The following NOX4 variants were observed in gnomAD, a reference collection of about 807,000 sequenced individuals.
The protein encoded by NOX4 is kidney oxidase-1.
A neutral mutation model predicts 87.6 loss-of-function variants in NOX4; 69 were observed. The observed-to-expected ratio is 0.79, with a 90% confidence interval of 0.65 to 0.96. The LOEUF (loss-of-function observed/expected upper bound fraction) is 0.96, where lower values mean the gene tolerates loss of function less well. Among genes scored for constraint, NOX4 ranks in the 40% least tolerant of loss-of-function variants. The pLI, the probability that NOX4 is intolerant of heterozygous loss-of-function variation, is 0.00. For synonymous variants in NOX4, 275 were observed against 238.2 expected (o/e 1.15, Z -1.42); for missense variants, 680 against 681.5 (o/e 1.00, Z 0.02).
At chr11:89,438,225 T>G (rs1482960997) in intron 6 of NOX4, among the ~76,000 whole-genome samples, 1 of 142,630 alleles carries the variant, frequency 7.0e-6, no homozygotes, top group Non-Finnish European at 1.5e-5. Context: ...GTATTATTAG[T>G]ATATTAGTAT....
At chr11:89,587,560 A>G in the NOX4 span, among the ~76,000 whole-genome samples, 1 of 152,116 alleles carries the variant, frequency 6.6e-6, no homozygotes, top group Non-Finnish European at 1.5e-5. Context: ...AGCCAAGGGA[A>G]TAAAAAATTG....
chr11:89,490,544 G>A lies in NOX4; in HGVS notation c.67C>T (p.Leu23Phe), dbSNP rs370485352. 3.1e-6 allele frequency: 5 copies of A among 1,613,426 alleles called. No homozygotes were observed. The highest frequency in any genetic ancestry group is 2.5e-6 in the Non-Finnish European group (3 of 1,179,568). Reference protein sequence around the residue: ...GVKHLCLFIWLSMNVLLFWKT... With the variant: ...GVKHLCLFIWFSMNVLLFWKT... ...CAGAAAAGCAGGACATTCATGGAGA[G>A]CCAGATGAACTAAACCAATCAGACA... Residue 23 changes from leucine (L) to phenylalanine (F), a missense_variant, in exon 2 of 18, where the codon CTC becomes TTC. By Grantham distance (22) the Leu-to-Phe change is conservative. Transcript: ENST00000263317.
At chr11:89,392,947 G>T (rs1941228699) in intron 11 of NOX4, among the ~76,000 whole-genome samples, 1 of 152,124 alleles carries the variant, frequency 6.6e-6, no homozygotes, top group East Asian at 1.9e-4. Context: ...GACATGATCG[G>T]TGTCCCCAGA....
chr11:89,556,794 T>G, the NOX4 span: 2 of 152,076 alleles, frequency 1.3e-5, no homozygotes, highest in East Asian at 1.9e-4. Flanking sequence ...AACTTCTATC[T>G]CTGAGGGATG....
intron 16 of NOX4, among the ~76,000 whole-genome samples, chr11:89,336,547 C>T (rs1286144550): frequency 6.6e-6 from 1 of 151,916 alleles, no homozygotes. Flanking sequence ...TGAACAGGCT[C>T]CTGTTTGCAA....
At chr11:89,412,351 T>C (rs929135210) in intron 8 of NOX4, among the ~76,000 whole-genome samples, 5 of 152,120 alleles carry the variant, frequency 3.3e-5, no homozygotes, top group Non-Finnish European at 7.4e-5. Flanking sequence ...TTTTATCCAA[T>C]GGCTGCAGAA....
At chr11:89,566,044 T>C in the NOX4 span, among the ~76,000 whole-genome samples, 1 of 32,512 alleles carries the variant, frequency 3.1e-5, no homozygotes, top group South Asian at 7.5e-4. Flanking sequence ...TCTTTTTTTC[T>C]TTTTTTTTTT....
chr11:89,560,557 A>G, the NOX4 span, among the ~76,000 whole-genome samples: 1 of 152,134 alleles, frequency 6.6e-6, no homozygotes, highest in East Asian at 1.9e-4. Context: ...GTTTCTGAGG[A>G]GATTGGTTCA....
chr11:89,450,563 A>T (rs16913274), intron 3 of NOX4, among the ~76,000 whole-genome samples: 3,096 of 152,054 alleles, frequency 0.02, 114 homozygotes, highest in African/African-American at 0.069. Flanking sequence ...AATACATGAC[A>T]TCACTATTTA....
At chr11:89,390,081 C>CTTAA (rs1941022856) in intron 11 of NOX4, among the ~76,000 whole-genome samples, 1 of 152,132 alleles carries the variant, frequency 6.6e-6, no homozygotes, top group African/African-American at 2.4e-5. Context: ...CAAGGGAACT[C>CTTAA]TTAAGACAAC....
chr11:89,503,042 A>G (rs1293230504), upstream of NOX4, among the ~76,000 whole-genome samples: 4 of 151,982 alleles, frequency 2.6e-5, no homozygotes, highest in African/African-American at 9.7e-5. Context: ...AATACCCTTT[A>G]TCTTTATTTC....
Position 89,403,910 on chromosome 11 carries a change from C to G in NOX4, c.630-1368G>C, listed in dbSNP as rs183730367. Among the ~76,000 whole-genome samples, 4 of 152,192 alleles carry G rather than the reference C, an allele frequency of 2.6e-5. No homozygotes were observed. In the East Asian group the frequency reaches 7.7e-4, roughly 29 times the overall value. ...CATCCTGATCACTTTCCTTTCTTCC[C>G]TCTTTGCTTATGCTCACTTCCTTTT... On this transcript the variant is annotated intron_variant, in intron 8 of 17. Transcript: ENST00000263317.
At chr11:89,533,156 C>G in the NOX4 span, among the ~76,000 whole-genome samples, 1 of 152,138 alleles carries the variant, frequency 6.6e-6, no homozygotes, top group African/African-American at 2.4e-5. Flanking sequence ...GTGTCTAGCA[C>G]AGTGTGTGAC....
intron 11 of NOX4, among the ~76,000 whole-genome samples, chr11:89,388,154 T>C (rs1940849712): frequency 6.6e-6 from 1 of 152,196 alleles, no homozygotes; most frequent in Non-Finnish European, 1.5e-5. Context: ...TTTCTAGTTT[T>C]AAAAATGGAG....
chr11:89,557,492 T>G, the NOX4 span, among the ~76,000 whole-genome samples: 1 of 152,300 alleles, frequency 6.6e-6, no homozygotes, highest in South Asian at 2.1e-4. Context: ...TGCTGAGTAG[T>G]AAATCACACC....
chr11:89,366,493 T>C (rs1052943913), intron 12 of NOX4, among the ~76,000 whole-genome samples: 19 of 151,962 alleles, frequency 1.3e-4, no homozygotes, highest in Non-Finnish European at 2.2e-4. Flanking sequence ...CTGAGCAACA[T>C]GGCAAAACCC....
chr11:89,440,589 T>G, intron 6 of NOX4, 99 bp downstream of exon 6: 4 of 703,442 alleles, frequency 5.7e-6, no homozygotes, highest in Non-Finnish European at 9.0e-6. Context: ...CCTCCCAAAG[T>G]GCTGGGAATA....
At chr11:89,507,201 G>A in the NOX4 span, among the ~76,000 whole-genome samples, 7 of 151,766 alleles carry the variant, frequency 4.6e-5, no homozygotes, top group Admixed American at 1.3e-4. Flanking sequence ...TTGAGGAATC[G>A]TTTAGTAGGG....
intron 7 of NOX4, among the ~76,000 whole-genome samples, chr11:89,425,209 C>T (rs925169749): frequency 6.6e-6 from 1 of 151,654 alleles, no homozygotes; most frequent in African/African-American, 2.4e-5. Flanking sequence ...AAAATTGCTC[C>T]CCACAAAATT....
Sources: allele counts gnomAD v4.1 joint callset (sites outside exome capture counted in the v4.1 genomes callset), GRCh38; gene constraint gnomAD v4.1.1; transcripts MANE v1.5; gene names NCBI Gene and HGNC (gene_info 2026-07-23, HGNC 2026-07-21).